CNTNAP5: variants seen among roughly 807,000 people sequenced by gnomAD.
CNTNAP5 encodes contactin-associated protein-like 5.
In CNTNAP5, 72 loss-of-function variants were observed where a neutral mutation model predicts 150.2. The ratio of observed to expected loss-of-function variants is 0.48; its 90% CI spans 0.40 to 0.58. The LOEUF is 0.58. Among genes scored for constraint, CNTNAP5 ranks in the 20% least tolerant of loss-of-function variants. CNTNAP5 has a pLI of 0.00. For missense variants in CNTNAP5, 1,636 were observed against 1,626.2 expected, an observed-to-expected ratio of 1.01 and a Z score of -0.10; for synonymous variants, 672 against 619.8, an observed-to-expected ratio of 1.08 and a Z score of -1.25.
At chr2:124,190,521 TACAA>T (rs1329374110) in intron 1 of CNTNAP5, among the ~76,000 whole-genome samples, 1 of 152,196 alleles carries the variant, frequency 6.6e-6, no homozygotes, top group Non-Finnish European at 1.5e-5. Context: ...ACCCCAGCTT[TACAA>T]ACAACCACTT....
chr2:124,254,215 C>T (rs898550716), intron 3 of CNTNAP5, among the ~76,000 whole-genome samples: 13 of 152,056 alleles, frequency 8.5e-5, no homozygotes, highest in African/African-American at 3.1e-4. Flanking sequence ...GAATGCTGAC[C>T]AAGACTTTAG....
chr2:124,072,196 A>G (rs772442479), intron 1 of CNTNAP5, among the ~76,000 whole-genome samples: 1 of 152,020 alleles, frequency 6.6e-6, no homozygotes, highest in Non-Finnish European at 1.5e-5. Context: ...AAAATTCCTC[A>G]GGAACTGGGA....
intron 1 of CNTNAP5, among the ~76,000 whole-genome samples, chr2:124,042,715 T>C (rs1470638575): frequency 1.3e-5 from 2 of 152,244 alleles, no homozygotes; most frequent in Non-Finnish European, 1.5e-5. Flanking sequence ...AGTCTGTTTA[T>C]AGTAAAGCAC....
intron 3 of CNTNAP5, among the ~76,000 whole-genome samples, chr2:124,371,221 G>C (rs962780378): frequency 6.6e-6 from 1 of 152,112 alleles, no homozygotes; most frequent in African/African-American, 2.4e-5. Flanking sequence ...TGCTTTTGCT[G>C]TTTTCTCAAA....
At chr2:124,786,402 G>GAAA (rs1558775115) in intron 17 of CNTNAP5, among the ~76,000 whole-genome samples, 849 of 53,720 alleles carry the variant, frequency 0.016, 1 homozygote, top group Middle Eastern at 0.035. Context: ...AAAGAAAGAA[G>GAAA]GAAGGAAGGA....
chr2:124,111,502 T>G (rs948280729), intron 1 of CNTNAP5, among the ~76,000 whole-genome samples: 1 of 152,174 alleles, frequency 6.6e-6, no homozygotes, highest in African/African-American at 2.4e-5. Context: ...GTGTGTATTT[T>G]AAAATTCATG....
intron 12 of CNTNAP5, 51 bp from the exon 13 acceptor site, chr2:124,647,707 T>A: frequency 1.3e-6 from 2 of 1,510,760 alleles, no homozygotes; most frequent in East Asian, 4.7e-5. Context: ...CATGCTCCAT[T>A]TTTGACATTG....
chr2:124,644,297 A>G (rs2105023820), intron 12 of CNTNAP5, among the ~76,000 whole-genome samples: 1 of 152,318 alleles, frequency 6.6e-6, no homozygotes, highest in Non-Finnish European at 1.5e-5. Context: ...CAGTGGCATT[A>G]ACACCTGACC....
chr2:124,282,331 C>A (rs1239361056), intron 3 of CNTNAP5, among the ~76,000 whole-genome samples: 2 of 152,146 alleles, frequency 1.3e-5, no homozygotes, highest in Non-Finnish European at 2.9e-5. Context: ...GTATAAAGAA[C>A]TAGGTGTTCA....
chr2:124,763,784 C>A lies in CNTNAP5; in HGVS notation c.2347C>A (p.Arg783Ser). Residue 783 changes from arginine (R) to serine (S), a missense_variant, in exon 15 of 24, where the codon CGT becomes AGT. Coordinates refer to ENST00000682447, the MANE Select transcript of CNTNAP5 (RefSeq NM_001367498.1). The stretch of plus-strand genomic sequence containing the variant: ...AGCCGCTTGGAGAATTGGTCCCTTG[C>A]GTTGCTATGGTGACCGTGAGTACAA... ...SEAAWRIGPLRCYGDRRFWNA... is the reference protein window; with the variant it reads ...SEAAWRIGPLSCYGDRRFWNA... 1.2e-6 allele frequency: 2 copies of A among 1,613,026 alleles called. No homozygotes were observed. The highest frequency in any genetic ancestry group is 1.7e-6 in the Non-Finnish European group (2 of 1,179,426).
intron 6 of CNTNAP5, among the ~76,000 whole-genome samples, chr2:124,466,811 A>G (rs560131336): frequency 1.4e-3 from 218 of 152,306 alleles, no homozygotes; most frequent in African/African-American, 5.1e-3. Flanking sequence ...CATACAGACT[A>G]TGTACTCAGA....
chr2:124,599,133 C>T (rs970286809), intron 11 of CNTNAP5, among the ~76,000 whole-genome samples: 29 of 152,248 alleles, frequency 1.9e-4, no homozygotes, highest in African/African-American at 5.3e-4. Flanking sequence ...AGCTGTAGAC[C>T]GGAGCTGTTC....
At chr2:124,445,970 C>A (rs1208920064) in intron 5 of CNTNAP5, among the ~76,000 whole-genome samples, 1 of 152,058 alleles carries the variant, frequency 6.6e-6, no homozygotes. Flanking sequence ...GAGGGGGAAC[C>A]AGGCAGGTTG....
rs535648302 is a variant in CNTNAP5, at chr2:124,804,994, C to T, written c.3217+6674C>T. Among the ~76,000 whole-genome samples the T allele has an allele frequency of 2.8e-4, 42 of 152,060 alleles. No homozygotes were observed. The South Asian group carries it at 6.4e-3, about 23-fold the overall frequency. ...GGGAATTTGGGGTTAAAAATTAATA[C>T]TCCTCTTTGTATGAAATACTCTTTG... is the stretch of plus-strand genomic sequence containing the variant. On this transcript the variant is annotated intron_variant, in intron 19 of 23. Coordinates refer to ENST00000682447, the MANE Select transcript of CNTNAP5 (RefSeq NM_001367498.1).
chr2:124,389,992 C>CAAT (rs35690843), intron 3 of CNTNAP5, among the ~76,000 whole-genome samples: 1 of 150,748 alleles, frequency 6.6e-6, no homozygotes, highest in Non-Finnish European at 1.5e-5. Context: ...ATAGTAATAA[C>CAAT]AATAATAATA....
intron 3 of CNTNAP5, among the ~76,000 whole-genome samples, chr2:124,323,673 T>C (rs1428571103): frequency 6.6e-6 from 1 of 152,160 alleles, no homozygotes; most frequent in Non-Finnish European, 1.5e-5. Flanking sequence ...TTTAGCCTGC[T>C]AAATCAGGCC....
At chr2:124,632,788 A>T (rs1168927284) in intron 12 of CNTNAP5, among the ~76,000 whole-genome samples, 1 of 152,130 alleles carries the variant, frequency 6.6e-6, no homozygotes, top group Non-Finnish European at 1.5e-5. Flanking sequence ...TCATTGGCTC[A>T]TAGTTCCACA....
chr2:124,033,864 A>T (rs1024449265), intron 1 of CNTNAP5, among the ~76,000 whole-genome samples: 1 of 152,166 alleles, frequency 6.6e-6, no homozygotes, highest in African/African-American at 2.4e-5. Context: ...AACCCCACTG[A>T]GTATAGGAAA....
intron 19 of CNTNAP5, among the ~76,000 whole-genome samples, chr2:124,849,405 G>A (rs1350122459): frequency 6.6e-6 from 1 of 152,012 alleles, no homozygotes; most frequent in Non-Finnish European, 1.5e-5. Context: ...TAGGAATTCA[G>A]CATGGATAAC....
Sources: allele counts gnomAD v4.1 joint callset (sites outside exome capture counted in the v4.1 genomes callset), GRCh38; gene constraint gnomAD v4.1.1; transcripts MANE v1.5; gene names NCBI Gene and HGNC (gene_info 2026-07-23, HGNC 2026-07-21).